Variants in LTBP1 observed in about 807,000 individuals in gnomAD.
LTBP1 encodes the protein latent transforming growth factor beta binding protein 1.
A neutral mutation model predicts 207.6 loss-of-function variants in LTBP1; 129 were observed. That is an observed-to-expected ratio of 0.62 (90% CI 0.54 to 0.72). LTBP1 has a LOEUF of 0.72. LTBP1 is among the 30% of genes least tolerant of loss of function. The pLI is 0.00. For missense variants in LTBP1, 2,281 were observed against 2,217.2 expected (o/e 1.03, Z -0.58); for synonymous variants, 963 against 833.7 (o/e 1.16, Z -2.67).
chr2:33,257,280 C>G lies in LTBP1; in HGVS notation c.2168-4C>G. On this transcript the variant is annotated splice_region_variant and splice_polypyrimidine_tract_variant and intron_variant, in intron 11 of 33. Transcript: ENST00000404816. ...AAAGGAATATTTTCCCATCCCAAAT[C>G]TAGCTGCTTTTAAGGAAATCTGTCC... The G allele has an allele frequency of 6.2e-7, 1 of 1,609,496 alleles. No individual in the cohort carries two copies. The highest frequency in any genetic ancestry group is 1.7e-4 in the Middle Eastern group (1 of 6,052).
intron 3 of LTBP1, among the ~76,000 whole-genome samples, chr2:33,022,201 T>A (rs2075204870): frequency 1.3e-5 from 2 of 151,978 alleles, no homozygotes; most frequent in Admixed American, 6.6e-5. Context: ...CCCCTTCGAA[T>A]AGACCACCTA....
chr2:33,389,266 A>G lies in LTBP1; in HGVS notation c.4794A>G (p.Glu1598=). 3.1e-6 allele frequency: 5 copies of G among 1,614,210 alleles called. No individual in the cohort carries two copies. Among genetic ancestry groups the G allele is most frequent in the Non-Finnish European group, 4.2e-6 (5 of 1,180,036 alleles). ...YGRDALVDFS[E]QYTPEADPYF... The stretch of plus-strand genomic sequence containing the variant: ...GGGACGCCTTGGTTGACTTCAGTGA[A>G]CAGTATACTCCAGAAGCCGATCCCT... Residue 1598 remains glutamate (E), a synonymous_variant, in exon 32 of 34, where the codon GAA becomes GAG. Transcript: ENST00000404816.
At chr2:33,292,124 G>A (rs1015756759) in intron 19 of LTBP1, among the ~76,000 whole-genome samples, 1 of 152,024 alleles carries the variant, frequency 6.6e-6, no homozygotes, top group African/African-American at 2.4e-5. Context: ...TGTGACATAC[G>A]GTGGACCTAC....
chr2:33,146,863 C>T (rs892114306), intron 5 of LTBP1, among the ~76,000 whole-genome samples: 2 of 152,192 alleles, frequency 1.3e-5, no homozygotes, highest in African/African-American at 4.8e-5. Flanking sequence ...CTCCTGGGCC[C>T]GGGGATTACA....
intron 5 of LTBP1, among the ~76,000 whole-genome samples, chr2:33,152,607 T>C (rs536104910): frequency 6.6e-6 from 1 of 152,314 alleles, no homozygotes; most frequent in Admixed American, 6.5e-5. Flanking sequence ...CGAAAAAAGA[T>C]ATTTTCTCGT....
chr2:32,958,711 A>G (rs1484615250), intron 2 of LTBP1, among the ~76,000 whole-genome samples: 1 of 152,042 alleles, frequency 6.6e-6, no homozygotes, highest in African/African-American at 2.4e-5. Flanking sequence ...TTCTTTGTTT[A>G]CTCTCACCTT....
chr2:33,041,995 CCT>C (rs1353896677), intron 3 of LTBP1, among the ~76,000 whole-genome samples: 2 of 152,172 alleles, frequency 1.3e-5, no homozygotes, highest in Non-Finnish European at 2.9e-5. Context: ...TGCTCCACAT[CCT>C]CATCAGCACT....
intron 3 of LTBP1, among the ~76,000 whole-genome samples, chr2:33,036,306 T>C (rs13390695): frequency 0.33 from 49,666 of 152,042 alleles, 8,349 homozygotes; most frequent in Admixed American, 0.4. Flanking sequence ...TGGAGGGGTC[T>C]GCACTTTGAG....
chr2:33,056,833 T>C (rs1042206607), intron 3 of LTBP1, among the ~76,000 whole-genome samples: 2 of 152,086 alleles, frequency 1.3e-5, no homozygotes, highest in Admixed American at 1.3e-4. Context: ...CCGGACGGGT[T>C]GCCACTGCTG....
chr2:33,124,710 A>T (rs1388490879), intron 4 of LTBP1, among the ~76,000 whole-genome samples: 1 of 152,232 alleles, frequency 6.6e-6, no homozygotes, highest in Non-Finnish European at 1.5e-5. Flanking sequence ...CTTTTCTAAC[A>T]GTTGCTCCAG....
In LTBP1 at chr2:33,157,400, A is replaced by G. The variant is rs78689615; in HGVS notation, c.1201+22440A>G. 5.3e-3 allele frequency among the ~76,000 whole-genome samples: 807 copies of G among 152,348 alleles called. 4 individuals are homozygous for G. Among genetic ancestry groups the G allele is most frequent in the Middle Eastern group, 0.031 (9 of 294 alleles). ...AAAGGATCCTGCGTGCAGGAGGAGT[A>G]AGCATTTTGTAGAAATCAGTAGGGA... On this transcript the variant is annotated intron_variant, in intron 5 of 33. Coordinates refer to ENST00000404816, the MANE Select transcript of LTBP1 (RefSeq NM_206943.4).
intron 19 of LTBP1, among the ~76,000 whole-genome samples, 197 bp downstream of exon 19, chr2:33,280,355 G>C (rs577190217): frequency 3.9e-5 from 6 of 152,150 alleles, no homozygotes; most frequent in Admixed American, 3.9e-4. Context: ...TAAGATTCTC[G>C]ATGGGGAAAA....
chr2:33,316,110 T>G (rs563509164), intron 24 of LTBP1, among the ~76,000 whole-genome samples: 2 of 152,236 alleles, frequency 1.3e-5, no homozygotes, highest in East Asian at 3.9e-4. Flanking sequence ...TGCTCTTGGC[T>G]TCCTACTTAC....
At chr2:33,221,448 G>A (rs923410190) in intron 8 of LTBP1, among the ~76,000 whole-genome samples, 1 of 152,132 alleles carries the variant, frequency 6.6e-6, no homozygotes, top group South Asian at 2.1e-4. Context: ...CAGGAAATAG[G>A]GTTTTGTTGA....
At chr2:33,259,196 T>TTA (rs1197896637) in intron 12 of LTBP1, among the ~76,000 whole-genome samples, 4 of 152,216 alleles carry the variant, frequency 2.6e-5, no homozygotes, top group African/African-American at 9.6e-5. Context: ...ATTTCAAACA[T>TTA]TATATACCAT....
intron 9 of LTBP1, among the ~76,000 whole-genome samples, chr2:33,228,886 A>AG (rs1293148900): frequency 1.1e-4 from 17 of 151,344 alleles, no homozygotes; most frequent in African/African-American, 4.1e-4. Flanking sequence ...TTTTTAGTAG[A>AG]GACAGGGTTT....
At chr2:33,148,594 A>G (rs2083246365) in intron 5 of LTBP1, among the ~76,000 whole-genome samples, 1 of 152,098 alleles carries the variant, frequency 6.6e-6, no homozygotes, top group African/African-American at 2.4e-5. Context: ...TCTTTCCCAC[A>G]TGGTCTACTA....
chr2:32,964,171 T>A (rs910080249), intron 2 of LTBP1, among the ~76,000 whole-genome samples: 2 of 152,162 alleles, frequency 1.3e-5, no homozygotes, highest in Admixed American at 1.3e-4. Context: ...TGGAAGTTGC[T>A]GGAGGAATGC....
chr2:32,991,292 A>G lies in LTBP1; in HGVS notation c.566-29617A>G, dbSNP rs997684936. On this transcript the variant is annotated intron_variant, in intron 2 of 33. Transcript: ENST00000404816. ...TTAGGTGGCCAGAATTGGATTAATC[A>G]TACTTTTTGGCTCATTACACACTAT... Among the ~76,000 whole-genome samples, 7 of 152,340 alleles carry G rather than the reference A, an allele frequency of 4.6e-5. 1 individual carries two copies. The Middle Eastern group carries it at 0.014, about 296-fold the overall frequency.
Sources: allele counts gnomAD v4.1 joint callset (sites outside exome capture counted in the v4.1 genomes callset), GRCh38; gene constraint gnomAD v4.1.1; transcripts MANE v1.5; gene names NCBI Gene and HGNC (gene_info 2026-07-23, HGNC 2026-07-21).